The following PDSS2 variants were observed in gnomAD, a reference collection of about 807,000 sequenced individuals.
PDSS2 encodes the protein decaprenyl diphosphate synthase subunit 2, also known as all trans-polyprenyl-diphosphate synthase PDSS2.
Under a neutral mutation model 44.5 loss-of-function variants are expected in PDSS2, and 31 were observed. The ratio of observed to expected loss-of-function variants is 0.70; its 90% CI spans 0.52 to 0.94. The LOEUF (loss-of-function observed/expected upper bound fraction) is 0.94. Among genes scored for constraint, PDSS2 ranks in the 40% least tolerant of loss-of-function variants. PDSS2 has a pLI of 0.00. For synonymous variants in PDSS2, 157 were observed against 180.3 expected, an observed-to-expected ratio of 0.87 and a Z score of 1.03; for missense variants, 452 against 482.2, an observed-to-expected ratio of 0.94 and a Z score of 0.59.
Position 107,212,026 on chromosome 6 carries a change from A to C in PDSS2, c.876+83T>G, listed in dbSNP as rs1001441693. 5 of 1,131,550 alleles carry C rather than the reference A, an allele frequency of 4.4e-6. No individual in the cohort carries two copies. In the African/African-American group the frequency reaches 4.6e-5, roughly 10 times the overall value. The allele number at this position is 1,131,550 out of a possible 1,614,324, so 70.1% of individuals were successfully genotyped here. On this transcript the variant is annotated intron_variant, in intron 5 of 7. Transcript: ENST00000369037. ...AATAAGCATTTTTGAAATATAAAAGAAGCTTATTAAATGGCAAAAGGTTTC... is the reference window on the plus strand; with the variant it reads ...AATAAGCATTTTTGAAATATAAAAGCAGCTTATTAAATGGCAAAAGGTTTC...
chr6:107,253,970 C>G (rs1455054995), intron 3 of PDSS2, among the ~76,000 whole-genome samples: 2 of 151,922 alleles, frequency 1.3e-5, no homozygotes, highest in Non-Finnish European at 2.9e-5. Context: ...TTGAGACTAG[C>G]CTGGGCAAAA....
At chr6:107,423,891 T>C (rs1236213526) in intron 1 of PDSS2, among the ~76,000 whole-genome samples, 6 of 152,146 alleles carry the variant, frequency 3.9e-5, no homozygotes, top group African/African-American at 1.4e-4. Flanking sequence ...ATTCTACCCA[T>C]TTCCAGCAGC....
chr6:107,177,449 T>A (rs188861408), intron 7 of PDSS2, among the ~76,000 whole-genome samples: 48 of 152,204 alleles, frequency 3.2e-4, no homozygotes, highest in Non-Finnish European at 5.9e-5. Context: ...TAATTCTTAA[T>A]TTATAAACTT....
At chr6:107,414,996 A>G (rs1265027925) in intron 1 of PDSS2, among the ~76,000 whole-genome samples, 35 of 152,178 alleles carry the variant, frequency 2.3e-4, no homozygotes, top group Non-Finnish European at 2.9e-5. Flanking sequence ...TCTCAACTCA[A>G]TGAGTGAGGC....
chr6:107,374,253 C>CAAA lies in PDSS2; in HGVS notation c.297-39924_297-39922dup, dbSNP rs3033569. Among the ~76,000 whole-genome samples the CAAA allele has an allele frequency of 5.3e-3, 359 of 67,290 alleles. 1 individual carries two copies. The highest frequency in any genetic ancestry group is 0.019 in the Middle Eastern group (2 of 104). 44.1% of individuals were successfully genotyped at this position (67,290 alleles called of 152,430 possible). ...TGGGTGACAGAGCAAGACTCCATCA[C>CAAA]AAAAAAAAAAAAAAAAAAAAAATCA... On this transcript the variant is annotated intron_variant, in intron 1 of 7. Transcript: ENST00000369037.
At chr6:107,210,295 C>A in intron 6 of PDSS2, 144 bp downstream of exon 6, 1 of 688,342 alleles carries the variant, frequency 1.5e-6, no homozygotes, top group Non-Finnish European at 2.5e-6. Context: ...CTCTTAAAAA[C>A]GAAGATTACA....
At chr6:107,276,417 T>TG (rs1562428326) in intron 2 of PDSS2, among the ~76,000 whole-genome samples, 1 of 152,040 alleles carries the variant, frequency 6.6e-6, no homozygotes, top group Admixed American at 6.6e-5. Flanking sequence ...GGTGTGTGGT[T>TG]GGGGGGAGGG....
At chr6:107,347,256 CTTTTTTTTTTT>C (rs35184119) in intron 1 of PDSS2, among the ~76,000 whole-genome samples, 1,135 of 90,060 alleles carry the variant, frequency 0.013, 26 homozygotes, top group African/African-American at 0.042. Flanking sequence ...ATTATATCTT[CTTTTTTTTTTT>C]TTTTTTTTTT....
intron 2 of PDSS2, among the ~76,000 whole-genome samples, chr6:107,325,881 AAG>A (rs1352340937): frequency 5.3e-5 from 8 of 152,150 alleles, no homozygotes; most frequent in African/African-American, 1.9e-4. Context: ...TTTTCCACTG[AAG>A]AGTTATTTTT....
At chr6:107,268,092 A>T (rs561581555) in intron 3 of PDSS2, among the ~76,000 whole-genome samples, 1 of 152,296 alleles carries the variant, frequency 6.6e-6, no homozygotes, top group Non-Finnish European at 1.5e-5. Context: ...CTTGTCTCCT[A>T]GTATCTTTTA....
At chr6:107,314,615 CA>C (rs1443675084) in intron 2 of PDSS2, among the ~76,000 whole-genome samples, 4 of 152,180 alleles carry the variant, frequency 2.6e-5, no homozygotes, top group Non-Finnish European at 4.4e-5. Context: ...TGGTTTATTA[CA>C]CAGTGCTCAT....
At chr6:107,219,807 G>C (rs867789494) in intron 4 of PDSS2, among the ~76,000 whole-genome samples, 1 of 152,126 alleles carries the variant, frequency 6.6e-6, no homozygotes, top group Non-Finnish European at 1.5e-5. Flanking sequence ...CCATATTCAA[G>C]TTTCAAGTAT....
rs150927202 is a variant in PDSS2 at position 107,371,757 on chromosome 6, C to T, written c.297-37425G>A. 8.5e-5 allele frequency among the ~76,000 whole-genome samples: 13 copies of T among 152,192 alleles called. 1 individual carries two copies. The East Asian group carries it at 2.5e-3, about 29-fold the overall frequency. On this transcript the variant is annotated intron_variant, in intron 1 of 7. Transcript: ENST00000369037. ...GTCTAGGACACCTTAGATGCCAGTT[C>T]CTTGAATTAATTTACAAATTAACTA... is the stretch of plus-strand genomic sequence containing the variant.
chr6:107,164,078 T>C (rs1412757233), intron 7 of PDSS2, among the ~76,000 whole-genome samples: 1 of 152,192 alleles, frequency 6.6e-6, no homozygotes, highest in East Asian at 1.9e-4. Flanking sequence ...TTCCAGTGAT[T>C]AGCCAGATTT....
intron 6 of PDSS2, among the ~76,000 whole-genome samples, chr6:107,201,206 G>C (rs921312672): frequency 4.0e-5 from 6 of 151,896 alleles, no homozygotes; most frequent in Non-Finnish European, 7.4e-5. Context: ...TGTCAATCCA[G>C]GTCAAGAGAA....
At chr6:107,364,355 G>T (rs1266954312) in intron 1 of PDSS2, among the ~76,000 whole-genome samples, 2 of 152,264 alleles carry the variant, frequency 1.3e-5, no homozygotes, top group African/African-American at 4.8e-5. Flanking sequence ...GGGAGGCTCA[G>T]GCATGGCGGG....
chr6:107,377,228 G>C (rs1779312631), intron 1 of PDSS2, among the ~76,000 whole-genome samples: 1 of 151,782 alleles, frequency 6.6e-6, no homozygotes, highest in Non-Finnish European at 1.5e-5. Flanking sequence ...AGTGGGCGAA[G>C]GAGATGAACA....
At chr6:107,186,268 A>T (rs1168048278) in intron 7 of PDSS2, among the ~76,000 whole-genome samples, 2 of 152,206 alleles carry the variant, frequency 1.3e-5, no homozygotes, top group East Asian at 3.9e-4. Flanking sequence ...ACAGGAACTC[A>T]ATTAAAAAGT....
intron 2 of PDSS2, among the ~76,000 whole-genome samples, chr6:107,293,297 G>A (rs1776405656): frequency 1.3e-5 from 2 of 152,132 alleles, no homozygotes; most frequent in Non-Finnish European, 1.5e-5. Flanking sequence ...ATCTACCGAA[G>A]CAAAACGACT....
Sources: gnomAD v4.1 joint callset for allele counts (sites outside exome capture counted in the v4.1 genomes callset) on GRCh38, gnomAD v4.1.1 for gene constraint, MANE v1.5 for transcripts, NCBI Gene and HGNC (gene_info 2026-07-23, HGNC 2026-07-21) for gene names.